AGTR1: variants seen among roughly 807,000 people sequenced by gnomAD.
AGTR1 encodes the protein angiotensin II receptor type 1.
Under a neutral mutation model 19.4 loss-of-function variants are expected in AGTR1, and 16 were observed. That is an observed-to-expected ratio of 0.82 (90% CI 0.56 to 1.25). The LOEUF (loss-of-function observed/expected upper bound fraction) is 1.25. Ranked by LOEUF, AGTR1 falls within the 50% of genes most tolerant of loss-of-function variation. The pLI is 0.00. For missense variants in AGTR1, 373 were observed against 431.9 expected (o/e 0.86, Z 1.21); for synonymous variants, 153 against 154.9 (o/e 0.99, Z 0.09).
intron 1 of AGTR1, among the ~76,000 whole-genome samples, chr3:148,704,047 G>A (rs750300393): frequency 1.1e-4 from 17 of 151,946 alleles, no homozygotes; most frequent in Non-Finnish European, 2.2e-4. Context: ...TAAAAAAATA[G>A]TAGATGACAT....
At chr3:148,700,123 C>G (rs988350285) in intron 1 of AGTR1, among the ~76,000 whole-genome samples, 7 of 152,076 alleles carry the variant, frequency 4.6e-5, no homozygotes, top group African/African-American at 7.2e-5. Flanking sequence ...TCTCACTTTT[C>G]TTTTTCTTCT....
At chr3:148,717,044 G>T (rs1388668) in intron 2 of AGTR1, among the ~76,000 whole-genome samples, 1 of 152,142 alleles carries the variant, frequency 6.6e-6, no homozygotes, top group Admixed American at 6.6e-5. Flanking sequence ...CTAGTTTTAA[G>T]GGCAAAAACT....
At chr3:148,705,257 AT>A (rs142221336) in intron 1 of AGTR1, among the ~76,000 whole-genome samples, 1 of 152,048 alleles carries the variant, frequency 6.6e-6, no homozygotes, top group Non-Finnish European at 1.5e-5. Flanking sequence ...GTAGCATAGC[AT>A]TTTTTTCTAG....
Position 148,734,526 on chromosome 3 carries a change from C to T in AGTR1, c.-47-6463C>T, listed in dbSNP as rs1714460827. On this transcript the variant is annotated intron_variant, in intron 2 of 2. Coordinates refer to ENST00000349243, the MANE Select transcript of AGTR1 (RefSeq NM_000685.5). ...TTTACCATGTACATATATCAGAGAGCCATTTATTAAGTTTGAGGAGATTGG... is the reference window on the plus strand; with the variant it reads ...TTTACCATGTACATATATCAGAGAGTCATTTATTAAGTTTGAGGAGATTGG... 2.0e-5 allele frequency among the ~76,000 whole-genome samples: 3 copies of T among 152,044 alleles called. No individual in the cohort carries two copies. The South Asian group carries it at 6.2e-4, about 32-fold the overall frequency.
At chr3:148,726,111 T>C (rs920835722) in intron 2 of AGTR1, among the ~76,000 whole-genome samples, 11 of 152,196 alleles carry the variant, frequency 7.2e-5, no homozygotes, top group African/African-American at 2.4e-5. Context: ...CAATGAAGGT[T>C]TAATGATTTG....
intron 1 of AGTR1, among the ~76,000 whole-genome samples, chr3:148,703,286 C>T (rs1339012389): frequency 6.6e-6 from 1 of 152,178 alleles, no homozygotes; most frequent in Non-Finnish European, 1.5e-5. Context: ...ATGAGTATCA[C>T]CTGAGAGTTT....
intron 2 of AGTR1, among the ~76,000 whole-genome samples, chr3:148,710,383 G>C (rs1438348215): frequency 6.6e-6 from 1 of 152,044 alleles, no homozygotes; most frequent in South Asian, 2.1e-4. Flanking sequence ...TCTTAAAATT[G>C]TGAAAAGAAG....
chr3:148,742,573 G>A lies in AGTR1; in HGVS notation c.*458G>A, dbSNP rs1360343280. The stretch of plus-strand genomic sequence containing the variant: ...TGCCGGTTTTCAGCTATTAGCAACT[G>A]TGCTACACTTGCACCTGGTACTGCA... On this transcript the variant is annotated 3_prime_UTR_variant, in exon 3 of 3. Transcript: ENST00000349243. 6.5e-6 allele frequency: 2 copies of A among 306,240 alleles called. No individual in the cohort carries two copies. Among genetic ancestry groups the A allele is most frequent in the African/African-American group, 2.2e-5 (1 of 44,576 alleles). The allele number at this position is 306,240 out of a possible 1,614,324, so 19.0% of individuals were successfully genotyped here.
intron 2 of AGTR1, among the ~76,000 whole-genome samples, chr3:148,715,383 T>C (rs1227027613): frequency 6.6e-6 from 1 of 152,166 alleles, no homozygotes; most frequent in Admixed American, 6.6e-5. Context: ...TTTCTACAGC[T>C]CCTCTCCTAC....
At chr3:148,734,893 T>G (rs917341517) in intron 2 of AGTR1, among the ~76,000 whole-genome samples, 2 of 152,204 alleles carry the variant, frequency 1.3e-5, no homozygotes, top group African/African-American at 4.8e-5. Context: ...TTAAGCAACT[T>G]ATTTGGAAAT....
intron 2 of AGTR1, among the ~76,000 whole-genome samples, chr3:148,725,049 AATT>A (rs1410928727): frequency 6.6e-6 from 1 of 152,180 alleles, no homozygotes; most frequent in Non-Finnish European, 1.5e-5. Flanking sequence ...AGTGTTGTAT[AATT>A]ATTAGAAAGT....
chr3:148,730,474 G>A (rs1245544955), intron 2 of AGTR1: 2 of 346,560 alleles, frequency 5.8e-6, no homozygotes, highest in South Asian at 1.5e-4. Flanking sequence ...CTTTACGCCA[G>A]TCCTGAATGT....
chr3:148,728,545 A>G (rs1714082821), intron 2 of AGTR1, among the ~76,000 whole-genome samples: 1 of 152,208 alleles, frequency 6.6e-6, no homozygotes, highest in Non-Finnish European at 1.5e-5. Context: ...GTGAAAGCCA[A>G]AGGCCAGCAG....
chr3:148,725,303 T>C (rs1713868183), intron 2 of AGTR1, among the ~76,000 whole-genome samples: 1 of 152,224 alleles, frequency 6.6e-6, no homozygotes, highest in Non-Finnish European at 1.5e-5. Flanking sequence ...TTGTACTTTA[T>C]GTGTTTATTC....
intron 1 of AGTR1, among the ~76,000 whole-genome samples, chr3:148,707,459 AG>A (rs1712733145): frequency 6.6e-6 from 1 of 152,200 alleles, no homozygotes; most frequent in African/African-American, 2.4e-5. Flanking sequence ...TCTGGGAAAA[AG>A]AAAAACAGAA....
chr3:148,715,767 T>A (rs1249800359), intron 2 of AGTR1, among the ~76,000 whole-genome samples: 1 of 152,210 alleles, frequency 6.6e-6, no homozygotes, highest in Non-Finnish European at 1.5e-5. Flanking sequence ...CATTAGAAAG[T>A]ATTTTAATAT....
At chr3:148,737,965 GA>G (rs756026994) in intron 2 of AGTR1, among the ~76,000 whole-genome samples, 2 of 152,192 alleles carry the variant, frequency 1.3e-5, no homozygotes, top group Non-Finnish European at 2.9e-5. Flanking sequence ...AAAAAAGGCT[GA>G]TAGCTTGTGA....
chr3:148,711,188 C>T (rs552532876), intron 2 of AGTR1, among the ~76,000 whole-genome samples: 1 of 152,272 alleles, frequency 6.6e-6, no homozygotes, highest in Admixed American at 6.5e-5. Context: ...TTCTTAATCA[C>T]TATTTGTCAC....
chr3:148,714,933 C>T (rs12695883), intron 2 of AGTR1, among the ~76,000 whole-genome samples: 4,820 of 152,190 alleles, frequency 0.032, 244 homozygotes, highest in African/African-American at 0.11. Flanking sequence ...TTAATGAAAG[C>T]TTTGCCCTTT....
Sources: gnomAD v4.1 joint callset for allele counts (sites outside exome capture counted in the v4.1 genomes callset) on GRCh38, gnomAD v4.1.1 for gene constraint, MANE v1.5 for transcripts, NCBI Gene and HGNC (gene_info 2026-07-23, HGNC 2026-07-21) for gene names.